PDE11A: variants seen among roughly 807,000 people sequenced by gnomAD.
PDE11A encodes the protein dual 3',5'-cyclic-AMP and -GMP phosphodiesterase 11A.
Under a neutral mutation model 100.5 loss-of-function variants are expected in PDE11A, and 100 were observed. That is an observed-to-expected ratio of 1.00 (90% CI 0.85 to 1.18). The LOEUF (loss-of-function observed/expected upper bound fraction) is 1.18. Among genes scored for constraint, PDE11A ranks in the 50% most tolerant of loss-of-function variants. The pLI is 0.00. For synonymous variants in PDE11A, 381 were observed against 420.8 expected, an observed-to-expected ratio of 0.91 and a Z score of 1.16; for missense variants, 1,141 against 1,152.6, an observed-to-expected ratio of 0.99 and a Z score of 0.15.
intron 19 of PDE11A, among the ~76,000 whole-genome samples, chr2:177,649,451 A>T (rs2080275447): frequency 6.6e-6 from 1 of 152,192 alleles, no homozygotes; most frequent in African/African-American, 2.4e-5. Context: ...AAAGAATGAG[A>T]CATCTTCTGC....
chr2:177,688,963 G>A (rs2080999774), intron 15 of PDE11A, among the ~76,000 whole-genome samples: 1 of 152,070 alleles, frequency 6.6e-6, no homozygotes, highest in South Asian at 2.1e-4. Context: ...ATGTACTTAG[G>A]AATATATATT....
intron 5 of PDE11A, among the ~76,000 whole-genome samples, chr2:177,868,697 G>A (rs1346155408): frequency 6.6e-6 from 1 of 152,136 alleles, no homozygotes; most frequent in African/African-American, 2.4e-5. Flanking sequence ...ATCTTTAAAA[G>A]TGCTCTGCTA....
At chr2:177,708,095 A>T (rs1203390036) in intron 13 of PDE11A, among the ~76,000 whole-genome samples, 1 of 152,112 alleles carries the variant, frequency 6.6e-6, no homozygotes, top group African/African-American at 2.4e-5. Context: ...GAGCAATCGG[A>T]CCCTACAATG....
intron 1 of PDE11A, among the ~76,000 whole-genome samples, chr2:178,046,892 A>G (rs1422025672): frequency 6.6e-6 from 1 of 152,228 alleles, no homozygotes; most frequent in Non-Finnish European, 1.5e-5. Context: ...CTTGAGGTGC[A>G]TAGAACTATA....
In PDE11A at chr2:177,629,203, C is replaced by A; in HGVS notation, c.*204G>T. 1 of 621,894 alleles carries A rather than the reference C, an allele frequency of 1.6e-6. No individual in the cohort carries two copies. The highest frequency in any genetic ancestry group is 1.8e-5 in the South Asian group (1 of 54,950). The allele number at this position is 621,894 out of a possible 1,614,324, so 38.5% of individuals were successfully genotyped here. A position where few individuals can be genotyped will look rare whatever the true frequency, so the allele number is the denominator to read the frequency against. ...GGAAAAGTGAGGGTCCTGGGGTGTG[C>A]TCCCTGCCCCACCTCTTTCTTTGTC... On this transcript the variant is annotated 3_prime_UTR_variant, in exon 20 of 20. Transcript: ENST00000286063.
At chr2:178,039,597 G>A (rs1448878348) in intron 1 of PDE11A, among the ~76,000 whole-genome samples, 5 of 151,848 alleles carry the variant, frequency 3.3e-5, no homozygotes, top group Non-Finnish European at 7.4e-5. Flanking sequence ...CAAATATGAT[G>A]CCAAGATTCC....
chr2:177,808,588 G>C (rs2105565385), intron 9 of PDE11A, among the ~76,000 whole-genome samples: 1 of 152,300 alleles, frequency 6.6e-6, no homozygotes, highest in African/African-American at 2.4e-5. Flanking sequence ...TTATATGGAA[G>C]ATTTCTTAGC....
chr2:177,723,785 T>C (rs189151770), intron 12 of PDE11A, among the ~76,000 whole-genome samples: 3,035 of 152,172 alleles, frequency 0.02, 43 homozygotes, highest in South Asian at 0.033. Context: ...TCTTTTTTTT[T>C]CCCCTTGGAA....
intron 10 of PDE11A, among the ~76,000 whole-genome samples, chr2:177,736,908 C>CA (rs1468779446): frequency 6.6e-6 from 1 of 152,182 alleles, no homozygotes; most frequent in African/African-American, 2.4e-5. Context: ...TGCACCCTTG[C>CA]TTAGTCACCA....
intron 2 of PDE11A, among the ~76,000 whole-genome samples, chr2:177,910,429 T>TCTCTAG (rs1491115205): frequency 1.3e-3 from 94 of 70,600 alleles, no homozygotes; most frequent in African/African-American, 0.012. Context: ...TCTCTCTCTC[T>TCTCTAG]ATATATATAT....
chr2:177,685,363 T>C (rs1335220835), intron 15 of PDE11A, among the ~76,000 whole-genome samples: 1 of 152,134 alleles, frequency 6.6e-6, no homozygotes, highest in Non-Finnish European at 1.5e-5. Flanking sequence ...ATGAACCAAA[T>C]GGGCAACATA....
rs1257178630 is a variant in PDE11A at position 178,096,164 on chromosome 2, C to CTTTTTT, written c.162+8137_162+8138insAAAAAA. The stretch of plus-strand genomic sequence containing the variant: ...TCCCCAGAAAACAGGTTTTTCTTTT[C>CTTTTTT]TTTTCTTTTTTTTTTTTGAGATGGA... On this transcript the variant is annotated intron_variant, in intron 2 of 20. Coordinates refer to the PDE11A transcript ENST00000358450. Among the ~76,000 whole-genome samples the CTTTTTT allele has an allele frequency of 5.4e-3, 589 of 109,860 alleles. 7 individuals are homozygous for CTTTTTT. Among genetic ancestry groups the CTTTTTT allele is most frequent in the Non-Finnish European group, 7.3e-3 (369 of 50,300 alleles). The allele number at this position is 109,860 out of a possible 152,430, so 72.1% of individuals were successfully genotyped here. A position where few individuals can be genotyped will look rare whatever the true frequency, so the allele number is the denominator to read the frequency against.
At chr2:177,853,714 T>TGTGTG (rs1558974124) in intron 5 of PDE11A, among the ~76,000 whole-genome samples, 2 of 16,288 alleles carry the variant, frequency 1.2e-4, no homozygotes, top group African/African-American at 3.4e-4. Flanking sequence ...GTGTGTGTGT[T>TGTGTG]TGTGTGTGTG....
chr2:178,033,000 G>A (rs1559048584), intron 1 of PDE11A, among the ~76,000 whole-genome samples: 1 of 152,156 alleles, frequency 6.6e-6, no homozygotes, highest in Non-Finnish European at 1.5e-5. Context: ...TCCTCCAAGT[G>A]GTTACAACCC....
At chr2:177,725,009 C>G (rs908356064) in intron 12 of PDE11A, among the ~76,000 whole-genome samples, 4 of 151,942 alleles carry the variant, frequency 2.6e-5, no homozygotes, top group African/African-American at 9.7e-5. Context: ...CTAACACAAC[C>G]CACAGACAGG....
intron 19 of PDE11A, among the ~76,000 whole-genome samples, chr2:177,660,420 T>C (rs1373644419): frequency 6.6e-6 from 1 of 152,132 alleles, no homozygotes; most frequent in African/African-American, 2.4e-5. Context: ...GCCTCTCTCG[T>C]TGACAATATA....
chr2:177,668,431 A>G (rs1330787559), intron 18 of PDE11A, among the ~76,000 whole-genome samples: 1 of 152,198 alleles, frequency 6.6e-6, no homozygotes, highest in Non-Finnish European at 1.5e-5. Flanking sequence ...AAATTTGATG[A>G]CACCACCAAA....
At chr2:177,657,545 G>A (rs57401542) in intron 19 of PDE11A, among the ~76,000 whole-genome samples, 10,913 of 152,108 alleles carry the variant, frequency 0.072, 488 homozygotes, top group East Asian at 0.18. Context: ...GCTCTAGCAG[G>A]AAGAACACAG....
intron 9 of PDE11A, among the ~76,000 whole-genome samples, chr2:177,793,536 G>A (rs1356593958): frequency 6.7e-5 from 2 of 30,046 alleles, no homozygotes; most frequent in African/African-American, 2.5e-4. Context: ...ACAGGGATCT[G>A]CAAAAAAAAA....
Sources: allele counts gnomAD v4.1 joint callset (sites outside exome capture counted in the v4.1 genomes callset), GRCh38; gene constraint gnomAD v4.1.1; transcripts MANE v1.5; gene names NCBI Gene and HGNC (gene_info 2026-07-23, HGNC 2026-07-21).